MAP2K4: variants seen among roughly 807,000 people sequenced by gnomAD.
MAP2K4 encodes the protein dual specificity mitogen-activated protein kinase kinase 4.
A neutral mutation model predicts 48.5 loss-of-function variants in MAP2K4; 4 were observed. That is an observed-to-expected ratio of 0.08 (90% CI 0.04 to 0.19). The LOEUF (loss-of-function observed/expected upper bound fraction) is 0.19, where lower values mean the gene tolerates loss of function less well. Ranked by LOEUF, MAP2K4 falls within the 10% of genes least tolerant of loss-of-function variation. The pLI is 1.00. For synonymous variants in MAP2K4, 166 were observed against 173.1 expected, an observed-to-expected ratio of 0.96 and a Z score of 0.32; for missense variants, 258 against 493.3, an observed-to-expected ratio of 0.52 and a Z score of 4.52.
intron 1 of MAP2K4, among the ~76,000 whole-genome samples, chr17:12,047,411 C>G (rs986921711): frequency 5.3e-5 from 8 of 152,024 alleles, no homozygotes; most frequent in African/African-American, 1.9e-4. Flanking sequence ...AATATTAATC[C>G]CATTTGGCAG....
At chr17:12,042,954 G>T (rs1969840298) in intron 1 of MAP2K4, among the ~76,000 whole-genome samples, 1 of 151,940 alleles carries the variant, frequency 6.6e-6, no homozygotes, top group African/African-American at 2.4e-5. Context: ...GGCTGAGGCA[G>T]GAGAATGGCG....
intron 3 of MAP2K4, among the ~76,000 whole-genome samples, chr17:12,091,761 T>A (rs1171366482): frequency 6.6e-6 from 1 of 152,174 alleles, no homozygotes; most frequent in Non-Finnish European, 1.5e-5. Context: ...GAATACAGAT[T>A]TGGACACCAA....
chr17:12,060,622 G>A (rs1366588963), intron 2 of MAP2K4, among the ~76,000 whole-genome samples: 2 of 152,132 alleles, frequency 1.3e-5, no homozygotes, highest in Non-Finnish European at 2.9e-5. Context: ...TGAAATCTCT[G>A]CATTTCTGTG....
In MAP2K4 at chr17:12,110,437, A is replaced by T. The variant is rs755296233; in HGVS notation, c.685+11A>T. On this transcript the variant is annotated intron_variant, in intron 6 of 10. Coordinates refer to ENST00000353533, the MANE Select transcript of MAP2K4 (RefSeq NM_003010.4). ...AAATTATTCACAGAGGTGGGTATGG[A>T]TTGGTATTTTTTGTAATAGAAATTA... is the stretch of plus-strand genomic sequence containing the variant. The T allele has an allele frequency of 6.3e-7, 1 of 1,588,732 alleles. No individual in the cohort carries two copies. Among genetic ancestry groups the T allele is most frequent in the East Asian group, 2.2e-5 (1 of 44,548 alleles).
Position 12,143,529 on chromosome 17 carries a change from A to G in MAP2K4, c.*2269A>G, listed in dbSNP as rs1973440968. On this transcript the variant is annotated 3_prime_UTR_variant, in exon 11 of 11. Coordinates refer to ENST00000353533, the MANE Select transcript of MAP2K4 (RefSeq NM_003010.4). ...AATGTATAAAAATTATCAAAAAGCT[A>G]ATGTGCAGGGATATTGCCTTATTTG... The G allele has an allele frequency of 8.6e-6, 2 of 231,300 alleles. No homozygotes were observed. The highest frequency in any genetic ancestry group is 1.7e-5 in the Non-Finnish European group (2 of 116,718). 14.3% of individuals were successfully genotyped at this position (231,300 alleles called of 1,614,324 possible). A position where few individuals can be genotyped will look rare whatever the true frequency, so the allele number is the denominator to read the frequency against.
chr17:12,035,978 G>A (rs1969584317), intron 1 of MAP2K4, among the ~76,000 whole-genome samples: 1 of 151,648 alleles, frequency 6.6e-6, no homozygotes, highest in African/African-American at 2.4e-5. Flanking sequence ...TATTGGAGAT[G>A]TGTGTGTGTG....
chr17:12,036,205 A>G (rs969688782), intron 1 of MAP2K4, among the ~76,000 whole-genome samples: 3 of 152,128 alleles, frequency 2.0e-5, no homozygotes, highest in African/African-American at 4.8e-5. Flanking sequence ...GTTTCCTTTA[A>G]TACTGTTGGA....
intron 4 of MAP2K4, among the ~76,000 whole-genome samples, chr17:12,096,064 G>T (rs1473034202): frequency 3.6e-4 from 3 of 8,314 alleles, no homozygotes; most frequent in Admixed American, 2.0e-3. Flanking sequence ...CTTGAGCAAC[G>T]CCTCCCCCCC....
chr17:12,027,255 G>C (rs967742823), intron 1 of MAP2K4, among the ~76,000 whole-genome samples: 1 of 152,186 alleles, frequency 6.6e-6, no homozygotes, highest in Non-Finnish European at 1.5e-5. Flanking sequence ...TGATTAGCCA[G>C]TAGTTTACAC....
intron 2 of MAP2K4, among the ~76,000 whole-genome samples, chr17:12,076,720 T>G (rs1971024195): frequency 8.5e-6 from 1 of 117,774 alleles, no homozygotes; most frequent in Non-Finnish European, 2.0e-5. Flanking sequence ...GTGGCAGTTT[T>G]TCTGGGTGTA....
At chr17:12,110,576 A>G (rs975162449) in intron 6 of MAP2K4, 150 bp downstream of exon 6, 3 of 586,620 alleles carry the variant, frequency 5.1e-6, no homozygotes, top group Middle Eastern at 4.4e-4. Flanking sequence ...TTAAAACTCT[A>G]TTACTGCTAT....
chr17:12,063,090 T>G (rs2151532594), intron 2 of MAP2K4, among the ~76,000 whole-genome samples: 1 of 152,318 alleles, frequency 6.6e-6, no homozygotes. Context: ...TGAAATCCCA[T>G]CAGACTTTTA....
chr17:12,071,637 G>T (rs1970811737), intron 2 of MAP2K4, among the ~76,000 whole-genome samples: 1 of 152,082 alleles, frequency 6.6e-6, no homozygotes, highest in African/African-American at 2.4e-5. Flanking sequence ...AAAAATGGTT[G>T]GCACAAAAAC....
chr17:12,122,680 A>G, intron 7 of MAP2K4, among the ~76,000 whole-genome samples: 1 of 152,168 alleles, frequency 6.6e-6, no homozygotes. Flanking sequence ...CTGAATAGTA[A>G]TAATAATAGT....
At chr17:12,058,282 C>A (rs1970346818) in intron 2 of MAP2K4, among the ~76,000 whole-genome samples, 2 of 139,044 alleles carry the variant, frequency 1.4e-5, no homozygotes, top group African/African-American at 5.5e-5. Context: ...CCAGGCTGGT[C>A]TTGAACTCCT....
At chr17:12,068,349 TG>T (rs1308737396) in intron 2 of MAP2K4, among the ~76,000 whole-genome samples, 1 of 152,198 alleles carries the variant, frequency 6.6e-6, no homozygotes, top group African/African-American at 2.4e-5. Flanking sequence ...GTAATTATTC[TG>T]GCTGCCGTGT....
intron 6 of MAP2K4, among the ~76,000 whole-genome samples, chr17:12,112,465 C>CAAAAA (rs11370279): frequency 1.2e-5 from 1 of 86,662 alleles, no homozygotes; most frequent in Non-Finnish European, 2.2e-5. Context: ...ACTCTTGTCT[C>CAAAAA]AAAAAAAAAA....
At chr17:12,124,558 A>T (rs1972791165) in intron 7 of MAP2K4, 1 of 152,200 alleles carries the variant, frequency 6.6e-6, no homozygotes, top group Non-Finnish European at 1.5e-5. Context: ...TCTCAAATAT[A>T]TTGTGGTATG....
chr17:12,032,948 G>C (rs933913056), intron 1 of MAP2K4, among the ~76,000 whole-genome samples: 1 of 152,064 alleles, frequency 6.6e-6, no homozygotes, highest in African/African-American at 2.4e-5. Context: ...CGATCCTCCT[G>C]TCTCAGCCTC....
Sources: gnomAD v4.1 joint callset for allele counts (sites outside exome capture counted in the v4.1 genomes callset) on GRCh38, gnomAD v4.1.1 for gene constraint, MANE v1.5 for transcripts, NCBI Gene and HGNC (gene_info 2026-07-23, HGNC 2026-07-21) for gene names.